Variants in KBTBD11 observed in about 807,000 individuals in gnomAD.
KBTBD11 encodes the protein kelch repeat and BTB domain-containing protein 11.
For synonymous variants in KBTBD11, 747 were observed against 499.0 expected (o/e 1.50, Z -6.63); for missense variants, 1,390 against 1,001.8 (o/e 1.39, Z -5.23).
At position 2,001,220 on chromosome 8, in the gene KBTBD11, C is replaced by G. The variant is rs1441781483; in HGVS notation, c.28C>G (p.Leu10Val). ...GGAGCACGCGGTGGCCCCCTGCGTCCTCTACCCAGGGACTGAGCCCGGGGC... is the reference window on the plus strand; with the variant it reads ...GGAGCACGCGGTGGCCCCCTGCGTCGTCTACCCAGGGACTGAGCCCGGGGC... MEHAVAPCV[L>V]YPGTEPGAAG... The change falls in exon 2 of 2, where the codon CTC (leucine) becomes GTC (valine). Residue 10 changes from leucine (L) to valine (V), a missense_variant. Physicochemically the swap from Leu to Val is conservative, Grantham distance 32. Transcript: ENST00000320248. 2 of 1,423,268 alleles carry G rather than the reference C, an allele frequency of 1.4e-6. No homozygotes were observed. Among genetic ancestry groups the G allele is most frequent in the Non-Finnish European group, 1.8e-6 (2 of 1,087,318 alleles). 88.2% of individuals were successfully genotyped at this position (1,423,268 alleles called of 1,614,324 possible).
intron 1 of KBTBD11, among the ~76,000 whole-genome samples, chr8:1,993,873 A>G (rs7825973): frequency 0.017 from 2,624 of 151,320 alleles, 95 homozygotes; most frequent in African/African-American, 0.062. Flanking sequence ...CTTAGGCATC[A>G]AGAATTGCAC....
chr8:1,991,070 C>T (rs111361969), intron 1 of KBTBD11, among the ~76,000 whole-genome samples: 6 of 106,214 alleles, frequency 5.6e-5, no homozygotes, highest in Admixed American at 9.2e-5. Context: ...GTAGATGCTG[C>T]GGGGCCTTGG....
chr8:1,976,884 C>T (rs115392429), intron 1 of KBTBD11, among the ~76,000 whole-genome samples: 184 of 152,090 alleles, frequency 1.2e-3, no homozygotes, highest in African/African-American at 4.1e-3. Flanking sequence ...GACTAGAGCA[C>T]GGAGAGGTCA....
Position 1,973,758 on chromosome 8 carries a change from G to GCC in KBTBD11, c.-1082_-1081dup, listed in dbSNP as rs1816202596. Reference sequence around the variant, plus strand: ...GGAGAGGCGGAGAGGCCTGTCCACCGCCCCCTCTGCCGCCCACGCCCCGCT... The same window carrying GCC: ...GGAGAGGCGGAGAGGCCTGTCCACCGCCCCCCCTCTGCCGCCCACGCCCCGCT... On this transcript the variant is annotated 5_prime_UTR_variant, in exon 1 of 2. Transcript: ENST00000320248. 1.0e-6 allele frequency: 1 copy of GCC among 983,656 alleles called. No individual in the cohort carries two copies. Among genetic ancestry groups the GCC allele is most frequent in the Non-Finnish European group, 1.2e-6 (1 of 829,330 alleles). 60.9% of individuals were successfully genotyped at this position (983,656 alleles called of 1,614,324 possible).
rs1214905704 is a variant in KBTBD11, at chr8:1,973,836, G to A, written c.-1008G>A. ...CAGGTGCTCGGAGAGGCCGGGCCGC[G>A]GCTCCCACAGGTGCCGGGAAGCGGC... On this transcript the variant is annotated 5_prime_UTR_variant, in exon 1 of 2. Transcript: ENST00000320248. 1.0e-6 allele frequency: 1 copy of A among 983,020 alleles called. No individual in the cohort carries two copies. Among genetic ancestry groups the A allele is most frequent in the African/African-American group, 1.8e-5 (1 of 56,886 alleles). 60.9% of individuals were successfully genotyped at this position (983,020 alleles called of 1,614,324 possible).
chr8:1,990,925 CGGGT>C lies in KBTBD11; in HGVS notation c.-908-9359_-908-9356del. ...TGCTGCGGGGCCTTGGCGCCCTGTC[CGGGT>C]AGATGCTGCGGGGCCTTGGCGCCCT... is the stretch of plus-strand genomic sequence containing the variant. On this transcript the variant is annotated intron_variant, in intron 1 of 1. Coordinates refer to ENST00000320248, the MANE Select transcript of KBTBD11 (RefSeq NM_014867.3). 1.5e-3 allele frequency among the ~76,000 whole-genome samples: 6 copies of C among 4,000 alleles called. 2 individuals carry two copies. Among genetic ancestry groups the C allele is most frequent in the Non-Finnish European group, 2.3e-3 (6 of 2,610 alleles). The allele number at this position is 4,000 out of a possible 152,430, so 2.6% of individuals were successfully genotyped here.
At position 2,001,742 on chromosome 8, in the gene KBTBD11, C is replaced by A; in HGVS notation, c.550C>A (p.Leu184Met). ...GGTGCAGGGAGTGAGCCTGACGGCG[C>A]TGCGGCTGCTCCTCGCCGACGCCTA... Reference protein sequence around the residue: ...LRVQGVSLTALRLLLADAYSG... With the variant: ...LRVQGVSLTAMRLLLADAYSG... Residue 184 changes from leucine to methionine, a missense_variant, in exon 2 of 2, where the codon CTG becomes ATG. Physicochemically the swap from Leu to Met is conservative, Grantham distance 15. Coordinates refer to ENST00000320248, the MANE Select transcript of KBTBD11 (RefSeq NM_014867.3). 1 of 1,338,854 alleles carries A rather than the reference C, an allele frequency of 7.5e-7. No homozygotes were observed. The highest frequency in any genetic ancestry group is 9.5e-7 in the Non-Finnish European group (1 of 1,047,242). 82.9% of individuals were successfully genotyped at this position (1,338,854 alleles called of 1,614,324 possible).
Position 2,002,110 on chromosome 8 carries a change from G to A in KBTBD11, c.918G>A (p.Glu306=). ...LLAAALGPAG[E]RAGSRPQSPS... ...CCGCGGCGCTCGGGCCGGCGGGGGA[G>A]CGCGCGGGCAGCCGGCCTCAGAGCC... The change falls in exon 2 of 2, where the codon GAG becomes GAA. Residue 306 remains glutamate, a synonymous_variant. Coordinates refer to ENST00000320248, the MANE Select transcript of KBTBD11 (RefSeq NM_014867.3). The surrounding 1 kb of genome is among the most constrained non-coding windows in gnomAD (Gnocchi z 4.1). 1 of 1,097,226 alleles carries A rather than the reference G, an allele frequency of 9.1e-7. No individual in the cohort carries two copies. The highest frequency in any genetic ancestry group is 1.1e-6 in the Non-Finnish European group (1 of 904,984). The allele number at this position is 1,097,226 out of a possible 1,614,324, so 68.0% of individuals were successfully genotyped here.
At position 1,973,678 on chromosome 8, in the gene KBTBD11, C is replaced by G. The variant is rs1816197524; in HGVS notation, c.-1166C>G. 1.0e-6 allele frequency: 1 copy of G among 982,492 alleles called. No individual in the cohort carries two copies. The highest frequency in any genetic ancestry group is 1.2e-6 in the Non-Finnish European group (1 of 828,102). 60.9% of individuals were successfully genotyped at this position (982,492 alleles called of 1,614,324 possible). On this transcript the variant is annotated 5_prime_UTR_variant, in exon 1 of 2. Coordinates refer to ENST00000320248, the MANE Select transcript of KBTBD11 (RefSeq NM_014867.3). The stretch of plus-strand genomic sequence containing the variant: ...GTGCACGCGCCCGCCCCCCTCCCCG[C>G]GCCCCGCGCGCGCCCCTCGCAGCCT...
At chr8:1,997,186 C>T (rs1330211940) in intron 1 of KBTBD11, among the ~76,000 whole-genome samples, 1 of 152,110 alleles carries the variant, frequency 6.6e-6, no homozygotes, top group Non-Finnish European at 1.5e-5. Flanking sequence ...AGGATGGACG[C>T]TCCTCAGGGA....
chr8:2,002,499 C>T lies in KBTBD11; in HGVS notation c.1307C>T (p.Ala436Val), dbSNP rs751851691. The T allele has an allele frequency of 8.6e-6, 13 of 1,510,522 alleles. No homozygotes were observed. The Admixed American group carries it at 8.7e-5, about 10-fold the overall frequency. The allele number at this position is 1,510,522 out of a possible 1,614,324, so 93.6% of individuals were successfully genotyped here. A position where few individuals can be genotyped will look rare whatever the true frequency, so the allele number is the denominator to read the frequency against. Reference protein sequence around the residue: ...ERYDPRADRWAPVAPLPRGAF... With the variant: ...ERYDPRADRWVPVAPLPRGAF... ...TACGACCCGCGCGCCGACCGCTGGG[C>T]CCCCGTGGCGCCGCTGCCCCGGGGC... Residue 436 changes from alanine (A) to valine (V), a missense_variant, in exon 2 of 2, where the codon GCC (alanine) becomes GTC (valine). Physicochemically the swap from Ala to Val is moderately conservative, Grantham distance 64. Coordinates refer to ENST00000320248, the MANE Select transcript of KBTBD11 (RefSeq NM_014867.3). The surrounding 1 kb of genome is among the most constrained non-coding windows in gnomAD (Gnocchi z 4.1).
Position 2,002,212 on chromosome 8 carries a change from G to A in KBTBD11, c.1020G>A (p.Leu340=). The A allele has an allele frequency of 2.4e-6, 3 of 1,264,570 alleles. No homozygotes were observed. Among genetic ancestry groups the A allele is most frequent in the Non-Finnish European group, 3.0e-6 (3 of 1,008,952 alleles). The allele number at this position is 1,264,570 out of a possible 1,614,324, so 78.3% of individuals were successfully genotyped here. A position where few individuals can be genotyped will look rare whatever the true frequency, so the allele number is the denominator to read the frequency against. ...CGGCGGCCGGAGAGTGGCGCGAGCT[G>A]ACGCGGCTGCCCGAGGGCGCGCCGG... The part of the protein sequence containing the change: ...FHAAAGEWRE[L]TRLPEGAPAR... The change falls in exon 2 of 2, where the codon CTG becomes CTA. Residue 340 remains leucine, a synonymous_variant. Transcript: ENST00000320248. The surrounding 1 kb of genome is among the most constrained non-coding windows in gnomAD (Gnocchi z 4.1).
At chr8:1,984,949 C>T (rs761785934) in intron 1 of KBTBD11, among the ~76,000 whole-genome samples, 26 of 152,172 alleles carry the variant, frequency 1.7e-4, no homozygotes, top group Middle Eastern at 3.2e-3. Flanking sequence ...CAGCCTGAGT[C>T]GCTGCGATTA....
chr8:1,997,342 C>G (rs1009527679), intron 1 of KBTBD11, among the ~76,000 whole-genome samples: 3 of 151,924 alleles, frequency 2.0e-5, no homozygotes, highest in Non-Finnish European at 4.4e-5. Context: ...ACTGCTAGAC[C>G]CAAAGGCCAA....
intron 1 of KBTBD11, among the ~76,000 whole-genome samples, chr8:1,977,956 G>A (rs903566656): frequency 6.6e-6 from 1 of 152,190 alleles, no homozygotes; most frequent in Admixed American, 6.5e-5. Flanking sequence ...TATCATGGTG[G>A]TTCAATAAGC....
At chr8:1,997,748 G>C (rs866691255) in intron 1 of KBTBD11, among the ~76,000 whole-genome samples, 1 of 152,350 alleles carries the variant, frequency 6.6e-6, no homozygotes, top group Middle Eastern at 3.4e-3. Flanking sequence ...TCAATGCAGT[G>C]GTGTCTGAGA....
Position 1,990,437 on chromosome 8 carries a change from A to G in KBTBD11, c.-908-9848A>G, listed in dbSNP as rs34766742. Among the ~76,000 whole-genome samples the G allele has an allele frequency of 7.5e-3, 503 of 67,254 alleles. 1 individual carries two copies. The highest frequency in any genetic ancestry group is 0.054 in the Middle Eastern group (3 of 56). The allele number at this position is 67,254 out of a possible 152,430, so 44.1% of individuals were successfully genotyped here. ...GGGCCTTGGCGCCCTGTCCGGGTAG[A>G]TGCTGCGGGGCCTTGGCGCCCTGTC... On this transcript the variant is annotated intron_variant, in intron 1 of 1. Transcript: ENST00000320248.
Position 2,002,996 on chromosome 8 carries a change from G to C in KBTBD11, c.1804G>C (p.Gly602Arg). Residue 602 changes from glycine (G) to arginine (R), a missense_variant, in exon 2 of 2, where the codon GGT becomes CGT. Coordinates refer to ENST00000320248, the MANE Select transcript of KBTBD11 (RefSeq NM_014867.3). This position sits in a 1 kb window ranked among gnomAD's most constrained non-coding sequence, Gnocchi z 4.1. ...GCTGGGCGCCCCCTTGGACGTCCGG[G>C]GTGTGCTCATCCCGTTCGCTCTCAG... Reference protein sequence around the residue: ...EALGAPLDVRGVLIPFALSLP... With the variant: ...EALGAPLDVRRVLIPFALSLP... 7.7e-7 allele frequency: 1 copy of C among 1,306,930 alleles called. No individual in the cohort carries two copies. Among genetic ancestry groups the C allele is most frequent in the Non-Finnish European group, 9.7e-7 (1 of 1,028,988 alleles). The allele number at this position is 1,306,930 out of a possible 1,614,324, so 81.0% of individuals were successfully genotyped here.
intron 1 of KBTBD11, among the ~76,000 whole-genome samples, chr8:1,981,411 G>A (rs988977361): frequency 6.6e-6 from 1 of 152,188 alleles, no homozygotes; most frequent in African/African-American, 2.4e-5. Flanking sequence ...ACACTGTAAC[G>A]ATGGTATGTA....
Sources: allele counts gnomAD v4.1 joint callset (sites outside exome capture counted in the v4.1 genomes callset), GRCh38; gene constraint gnomAD v4.1.1; non-coding constraint Gnocchi (gnomAD v3.1); transcripts MANE v1.5; gene names NCBI Gene and HGNC (gene_info 2026-07-23, HGNC 2026-07-21).